Variants in HACE1 observed in about 807,000 individuals in gnomAD.
HACE1 encodes the protein HECT domain and ankyrin repeat containing E3 ubiquitin protein ligase 1.
In HACE1, 73 loss-of-function variants were observed where a neutral mutation model predicts 118.4. The observed-to-expected ratio is 0.62, with a 90% CI of 0.51 to 0.75. HACE1 has a LOEUF of 0.75. Among genes scored for constraint, HACE1 ranks in the 30% least tolerant of loss-of-function variants. The pLI is 0.00. For missense variants in HACE1, 749 were observed against 1,102.2 expected, an observed-to-expected ratio of 0.68 and a Z score of 4.54; for synonymous variants, 368 against 374.8, an observed-to-expected ratio of 0.98 and a Z score of 0.21.
At chr6:104,842,196 C>G (rs940645887) in intron 5 of HACE1, 3 of 152,184 alleles carry the variant, frequency 2.0e-5, no homozygotes, top group African/African-American at 7.2e-5. Flanking sequence ...ATAGTCCCAG[C>G]TACTTGGAAG....
intron 7 of HACE1, among the ~76,000 whole-genome samples, chr6:104,806,345 C>T (rs1770993652): frequency 6.6e-6 from 1 of 151,898 alleles, no homozygotes; most frequent in Non-Finnish European, 1.5e-5. Flanking sequence ...ATCTATAGTC[C>T]CAGCTACTTG....
chr6:104,849,081 G>A (rs1775927267), intron 4 of HACE1, 61 bp downstream of exon 4: 1 of 932,540 alleles, frequency 1.1e-6, no homozygotes, highest in African/African-American at 1.6e-5. Flanking sequence ...TCAAACGAAG[G>A]CAAAGTGCCT....
rs1780553901 is a variant in HACE1, at chr6:104,771,080, T to C, written c.2211+113A>G. 2.5e-5 allele frequency: 19 copies of C among 749,582 alleles called. No individual in the cohort carries two copies. The East Asian group carries it at 4.8e-4, about 19-fold the overall frequency. The allele number at this position is 749,582 out of a possible 1,614,324, so 46.4% of individuals were successfully genotyped here. A position where few individuals can be genotyped will look rare whatever the true frequency, so the allele number is the denominator to read the frequency against. Reference sequence around the variant, plus strand: ...ATTAACTTAAACGTTTTATCTGCTATGATACTGTAATAGTAAAAGTTTTTC... The same window carrying C: ...ATTAACTTAAACGTTTTATCTGCTACGATACTGTAATAGTAAAAGTTTTTC... On this transcript the variant is annotated intron_variant, in intron 19 of 23. Transcript: ENST00000262903.
chr6:104,780,406 A>T (rs1312322388), intron 14 of HACE1: 1 of 436,586 alleles, frequency 2.3e-6, no homozygotes, highest in African/African-American at 2.0e-5. Context: ...GGCTCCTCTT[A>T]ATAGCATTTG....
intron 19 of HACE1, among the ~76,000 whole-genome samples, chr6:104,764,250 G>T (rs35277810): frequency 6.6e-6 from 1 of 151,984 alleles, no homozygotes; most frequent in East Asian, 2.0e-4. Flanking sequence ...GCTAATTTTT[G>T]TATTTTTAGT....
chr6:104,765,072 G>A (rs1779833792), intron 19 of HACE1, among the ~76,000 whole-genome samples: 1 of 152,170 alleles, frequency 6.6e-6, no homozygotes, highest in Non-Finnish European at 1.5e-5. Context: ...CTGATCTAAT[G>A]TGACTGATTA....
chr6:104,785,162 G>A lies in HACE1; in HGVS notation c.1232C>T (p.Pro411Leu), dbSNP rs547134692. The A allele has an allele frequency of 6.2e-7, 1 of 1,614,002 alleles. No individual in the cohort carries two copies. Among genetic ancestry groups the A allele is most frequent in the Admixed American group, 1.7e-5 (1 of 60,010 alleles). Residue 411 changes from proline to leucine, a missense_variant, in exon 12 of 24, where the codon CCA becomes CTA. Around this residue, in one of 5 missense-constraint regions of HACE1, gnomAD observed 267 missense variants for 312.2 expected, o/e 0.86. Coordinates refer to ENST00000262903, the MANE Select transcript of HACE1 (RefSeq NM_020771.4). The part of the protein sequence containing the change: ...DAASIPPFEP[P>L]GPGSYENLST... ...CAGATTTTCATAGCTCCCAGGTCCT[G>A]GAGGTTCAAATGGAGGAATGGAAGC...
chr6:104,749,434 T>C (rs1471377518), intron 20 of HACE1, among the ~76,000 whole-genome samples: 1 of 152,100 alleles, frequency 6.6e-6, no homozygotes, highest in African/African-American at 2.4e-5. Flanking sequence ...ACTATTATAC[T>C]AAGATATACT....
At position 104,791,487 on chromosome 6, in the gene HACE1, C is replaced by A. The variant is rs1783016308; in HGVS notation, c.1074+17G>T. The A allele has an allele frequency of 3.1e-6, 5 of 1,598,784 alleles. 1 individual carries two copies. The South Asian group carries it at 5.5e-5, about 18-fold the overall frequency. On this transcript the variant is annotated intron_variant, in intron 11 of 23. Transcript: ENST00000262903. Reference sequence around the variant, plus strand: ...TTTTACGTCTATCTTCCTAACAATGCCATATACTTTTCTCACCTTGAACAC... The same window carrying A: ...TTTTACGTCTATCTTCCTAACAATGACATATACTTTTCTCACCTTGAACAC...
intron 3 of HACE1, among the ~76,000 whole-genome samples, chr6:104,850,287 C>T (rs369737109): frequency 6.6e-5 from 10 of 152,096 alleles, no homozygotes; most frequent in Admixed American, 4.6e-4. Flanking sequence ...TTTGATTTAA[C>T]TTCTGACACA....
chr6:104,788,712 G>A (rs1047691761), intron 11 of HACE1, among the ~76,000 whole-genome samples: 1 of 152,018 alleles, frequency 6.6e-6, no homozygotes, highest in Non-Finnish European at 1.5e-5. Context: ...AGCCTAAATT[G>A]TCTTCCCCAT....
At chr6:104,754,337 A>T (rs1290130400) in intron 19 of HACE1, among the ~76,000 whole-genome samples, 3 of 152,218 alleles carry the variant, frequency 2.0e-5, no homozygotes, top group Non-Finnish European at 4.4e-5. Flanking sequence ...ACTTCAGGAT[A>T]TCATATAGGA....
rs912171034 is a variant in HACE1 at position 104,793,199 on chromosome 6, G to A, written c.924-1545C>T. ...GGAGGATGGCATGAACCCGGGAGGT[G>A]GAGCTCGCAGTAAGCCGAGATCGCG... On this transcript the variant is annotated intron_variant, in intron 10 of 23. Coordinates refer to ENST00000262903, the MANE Select transcript of HACE1 (RefSeq NM_020771.4). 3.3e-5 allele frequency among the ~76,000 whole-genome samples: 5 copies of A among 151,276 alleles called. No individual in the cohort carries two copies. The East Asian group carries it at 9.7e-4, about 29-fold the overall frequency.
chr6:104,789,164 T>C (rs1458074262), intron 11 of HACE1, among the ~76,000 whole-genome samples: 1 of 152,146 alleles, frequency 6.6e-6, no homozygotes, highest in Non-Finnish European at 1.5e-5. Flanking sequence ...AGTTTCTATT[T>C]TTATCCTTGT....
At chr6:104,851,813 C>T (rs1249157734) in intron 2 of HACE1, among the ~76,000 whole-genome samples, 1 of 152,078 alleles carries the variant, frequency 6.6e-6, no homozygotes, top group Non-Finnish European at 1.5e-5. Context: ...AATGGCTAGC[C>T]ATGGCAGAGC....
At chr6:104,797,771 C>G (rs1368162231) in intron 7 of HACE1, among the ~76,000 whole-genome samples, 1 of 151,910 alleles carries the variant, frequency 6.6e-6, no homozygotes, top group East Asian at 1.9e-4. Context: ...ACAGCTGATT[C>G]TTAAGAAATG....
chr6:104,842,485 G>C (rs186770388), intron 5 of HACE1: 47 of 151,480 alleles, frequency 3.1e-4, no homozygotes, highest in African/African-American at 9.5e-4. Context: ...GATTATCTCA[G>C]AGTGCAAGGA....
intron 19 of HACE1, among the ~76,000 whole-genome samples, chr6:104,766,402 G>C (rs1482786522): frequency 2.0e-5 from 3 of 152,110 alleles, no homozygotes; most frequent in African/African-American, 4.8e-5. Context: ...CTTCATGTCA[G>C]TACTCGAAAA....
intron 1 of HACE1, 111 bp from the exon 2 acceptor site, chr6:104,852,482 A>C: frequency 2.9e-6 from 2 of 690,952 alleles, no homozygotes; most frequent in East Asian, 5.6e-5. Flanking sequence ...AAAGGAGAGG[A>C]AGAAGGAGGA....
Sources: gnomAD v4.1 joint callset for allele counts (sites outside exome capture counted in the v4.1 genomes callset) on GRCh38, gnomAD v4.1.1 for gene constraint, gnomAD v4.1.1 regional missense constraint, MANE v1.5 for transcripts, NCBI Gene and HGNC (gene_info 2026-07-23, HGNC 2026-07-21) for gene names.